ZNF66: variants seen among roughly 807,000 people sequenced by gnomAD.
ZNF66 encodes putative zinc finger protein 66.
ZNF66 carries 32 observed loss-of-function variants against 35.2 expected under a neutral mutation model. That is an observed-to-expected ratio of 0.91 (90% confidence interval 0.69 to 1.22). The LOEUF (loss-of-function observed/expected upper bound fraction) is 1.22, where lower values mean the gene tolerates loss of function less well. ZNF66 is among the 50% of genes most tolerant of loss of function. The pLI, the probability that ZNF66 is intolerant of heterozygous loss-of-function variation, is 0.00. For synonymous variants in ZNF66, 231 were observed against 181.3 expected, an observed-to-expected ratio of 1.27 and a Z score of -2.20; for missense variants, 666 against 543.1, an observed-to-expected ratio of 1.23 and a Z score of -2.25.
chr19:20,782,832 G>A (rs1411691397), intron 1 of ZNF66, among the ~76,000 whole-genome samples: 1 of 151,966 alleles, frequency 6.6e-6, no homozygotes, highest in African/African-American at 2.4e-5. Flanking sequence ...TTTTTCCTCT[G>A]TTGATAGTTT....
chr19:20,776,309 T>C lies in ZNF66; in HGVS notation c.-139T>C. The C allele has an allele frequency of 7.3e-7, 1 of 1,379,290 alleles. No homozygotes were observed. The highest frequency in any genetic ancestry group is 1.0e-6 in the Non-Finnish European group (1 of 974,158). 85.4% of individuals were successfully genotyped at this position (1,379,290 alleles called of 1,614,324 possible). A position where few individuals can be genotyped will look rare whatever the true frequency, so the allele number is the denominator to read the frequency against. On this transcript the variant is annotated 5_prime_UTR_variant, in exon 1 of 4. Coordinates refer to ENST00000344519, the MANE Select transcript of ZNF66 (RefSeq NM_001355197.2). ...CCGGATTTGGCGGGGTCTTTGTCTC[T>C]CCCTGCAGCTGGAGCTCCAGGTCGT... is the stretch of plus-strand genomic sequence containing the variant.
At chr19:20,805,009 A>G (rs1025878994) in intron 3 of ZNF66, among the ~76,000 whole-genome samples, 3 of 152,062 alleles carry the variant, frequency 2.0e-5, no homozygotes, top group African/African-American at 2.4e-5. Flanking sequence ...GGAGACATTT[A>G]CCAGTGTCTA....
At chr19:20,804,736 T>C (rs1017505646) in intron 3 of ZNF66, among the ~76,000 whole-genome samples, 39 of 152,256 alleles carry the variant, frequency 2.6e-4, no homozygotes, top group African/African-American at 8.7e-4. Context: ...TGGCATAGTC[T>C]GAAATCAGTT....
chr19:20,804,585 AGGCT>A (rs1971481836), intron 3 of ZNF66, among the ~76,000 whole-genome samples: 1 of 152,132 alleles, frequency 6.6e-6, no homozygotes, highest in South Asian at 2.1e-4. Flanking sequence ...TCTGTTGTCC[AGGCT>A]GTAGTGCAGA....
At chr19:20,791,505 A>AG (rs1491271283) in intron 1 of ZNF66, among the ~76,000 whole-genome samples, 1 of 150,572 alleles carries the variant, frequency 6.6e-6, no homozygotes, top group Non-Finnish European at 1.5e-5. Context: ...AAAAAAAAAA[A>AG]GAAAATTGCT....
At chr19:20,788,486 C>A (rs965838397) in intron 1 of ZNF66, among the ~76,000 whole-genome samples, 4 of 152,054 alleles carry the variant, frequency 2.6e-5, no homozygotes, top group African/African-American at 9.7e-5. Flanking sequence ...CTCACTGCAA[C>A]TTCTGCCACC....
At chr19:20,803,925 C>G (rs1971474980) in intron 3 of ZNF66, among the ~76,000 whole-genome samples, 1 of 151,992 alleles carries the variant, frequency 6.6e-6, no homozygotes, top group Non-Finnish European at 1.5e-5. Context: ...TTCTCACTTG[C>G]AAAAATTTTT....
intron 3 of ZNF66, among the ~76,000 whole-genome samples, chr19:20,796,931 A>G (rs1030148520): frequency 2.6e-5 from 4 of 152,098 alleles, no homozygotes; most frequent in Non-Finnish European, 4.4e-5. Flanking sequence ...GCTCACTGCA[A>G]CTTCCACCTT....
intron 1 of ZNF66, among the ~76,000 whole-genome samples, chr19:20,779,277 T>C (rs973512903): frequency 6.6e-6 from 1 of 152,236 alleles, no homozygotes; most frequent in Non-Finnish European, 1.5e-5. Flanking sequence ...ATAAGATCTT[T>C]ATGGCTTGCA....
At chr19:20,796,584 T>TTTTAAATTTAACAA (rs1729961950) in intron 3 of ZNF66, among the ~76,000 whole-genome samples, 1 of 152,196 alleles carries the variant, frequency 6.6e-6, no homozygotes, top group African/African-American at 2.4e-5. Flanking sequence ...AATTGTATAA[T>TTTTAAATTTAACAA]TTTAAATTTA....
rs1333613689 is a variant in ZNF66 at position 20,781,309 on chromosome 19, G to A, written c.3+4859G>A. Among the ~76,000 whole-genome samples, 4 of 152,092 alleles carry A rather than the reference G, an allele frequency of 2.6e-5. No individual in the cohort carries two copies. The South Asian group carries it at 8.3e-4, about 32-fold the overall frequency. On this transcript the variant is annotated intron_variant, in intron 1 of 3. Coordinates refer to ENST00000344519, the MANE Select transcript of ZNF66 (RefSeq NM_001355197.2). ...TAAAATTATGTCATGGGGGTTTTGT[G>A]TGCAGATTATTTTGTTAACTTACGT...
intron 3 of ZNF66, among the ~76,000 whole-genome samples, chr19:20,801,649 G>T (rs1259289843): frequency 1.3e-5 from 2 of 151,746 alleles, no homozygotes; most frequent in African/African-American, 4.8e-5. Flanking sequence ...CCGGCCTCAT[G>T]TATTTTTGAG....
At chr19:20,786,215 G>A (rs62125582) in intron 1 of ZNF66, among the ~76,000 whole-genome samples, 202 of 152,314 alleles carry the variant, frequency 1.3e-3, no homozygotes, top group Non-Finnish European at 1.8e-3. Context: ...CAAAGTGCAC[G>A]CTGTCCCCTA....
intron 1 of ZNF66, among the ~76,000 whole-genome samples, chr19:20,780,210 T>C (rs981460872): frequency 2.6e-5 from 4 of 152,192 alleles, no homozygotes; most frequent in Non-Finnish European, 5.9e-5. Context: ...AAGAGAGCAC[T>C]ATCTTAGTCA....
intron 3 of ZNF66, among the ~76,000 whole-genome samples, chr19:20,803,994 T>A (rs1373976206): frequency 6.6e-6 from 1 of 152,136 alleles, no homozygotes; most frequent in African/African-American, 2.4e-5. Flanking sequence ...ATCATTTTTA[T>A]CTTACAGCTC....
At chr19:20,790,320 ACT>A (rs775592326) in intron 1 of ZNF66, among the ~76,000 whole-genome samples, 2 of 152,176 alleles carry the variant, frequency 1.3e-5, no homozygotes, top group African/African-American at 2.4e-5. Flanking sequence ...GCCTCATGTG[ACT>A]CTAAGGTGAG....
intron 1 of ZNF66, among the ~76,000 whole-genome samples, chr19:20,792,144 A>T (rs779513733): frequency 6.6e-6 from 1 of 151,524 alleles, no homozygotes; most frequent in Non-Finnish European, 1.5e-5. Context: ...ACCCTGCATA[A>T]CAAGGTCTTC....
chr19:20,780,923 C>A (rs1055358414), intron 1 of ZNF66, among the ~76,000 whole-genome samples: 1 of 151,888 alleles, frequency 6.6e-6, no homozygotes, highest in Non-Finnish European at 1.5e-5. Flanking sequence ...GACATTGACA[C>A]GTCCACACTC....
rs1320065447 is a variant in ZNF66 at position 20,807,642 on chromosome 19, A to G, written c.*320A>G. On this transcript the variant is annotated 3_prime_UTR_variant, in exon 4 of 4. Transcript: ENST00000344519. ...GTCACCCAAGCTGGAATACAATGTG[A>G]TGATCTCGGATCACTGAAACCTCTG... Among the ~76,000 whole-genome samples the G allele has an allele frequency of 2.0e-5, 3 of 148,996 alleles. No individual in the cohort carries two copies. The highest frequency in any genetic ancestry group is 4.5e-5 in the Non-Finnish European group (3 of 67,372).
Sources: allele counts gnomAD v4.1 joint callset (sites outside exome capture counted in the v4.1 genomes callset), GRCh38; gene constraint gnomAD v4.1.1; transcripts MANE v1.5; gene names NCBI Gene and HGNC (gene_info 2026-07-23, HGNC 2026-07-21).